Variants in KIAA1586 observed in about 807,000 individuals in gnomAD.
The protein encoded by KIAA1586 is KIAA1586.
A neutral mutation model predicts 6.1 loss-of-function variants in KIAA1586; 5 were observed. The observed-to-expected ratio is 0.82, with a 90% CI of 0.43 to 1.73. KIAA1586 has a LOEUF of 1.73. Among genes scored for constraint, KIAA1586 ranks in the 40% most tolerant of loss-of-function variants. The pLI, the probability that KIAA1586 is intolerant of heterozygous loss-of-function variation, is 0.02. For missense variants in KIAA1586, 899 were observed against 878.2 expected (o/e 1.02, Z -0.30); for synonymous variants, 280 against 301.7 (o/e 0.93, Z 0.75).
At chr6:57,062,931 G>A in the KIAA1586 span, among the ~76,000 whole-genome samples, 1 of 151,976 alleles carries the variant, frequency 6.6e-6, no homozygotes, top group East Asian at 1.9e-4. Context: ...TGTGCCTGTA[G>A]TCCCATCCAT....
At chr6:57,051,088 C>T (rs748975656) in intron 3 of KIAA1586, among the ~76,000 whole-genome samples, 5 of 151,270 alleles carry the variant, frequency 3.3e-5, no homozygotes, top group Admixed American at 1.3e-4. Context: ...AAAAATTAGC[C>T]GGGCTTGGTG....
At chr6:57,051,973 C>A (rs1193119888) in intron 3 of KIAA1586, among the ~76,000 whole-genome samples, 1 of 149,774 alleles carries the variant, frequency 6.7e-6, no homozygotes, top group Non-Finnish European at 1.5e-5. Flanking sequence ...GACTCCGTCT[C>A]AAAAAAAAAA....
the KIAA1586 span, among the ~76,000 whole-genome samples, chr6:57,065,675 C>T: frequency 2.0e-5 from 3 of 151,934 alleles, no homozygotes; most frequent in Non-Finnish European, 2.9e-5. Context: ...TTGCTAGAGA[C>T]GGAGTCTCAC....
In KIAA1586 at chr6:57,055,193, T is replaced by C. The variant is rs556724717; in HGVS notation, c.*330T>C. ...TAAGTTCTAAGCCCTGGAGGTTATA[T>C]TAAATAAAAGAGAAATGGAATAAAA... On this transcript the variant is annotated 3_prime_UTR_variant, in exon 4 of 4. Coordinates refer to ENST00000370733, the MANE Select transcript of KIAA1586 (RefSeq NM_020931.4). 2 of 162,720 alleles carry C rather than the reference T, an allele frequency of 1.2e-5. No individual in the cohort carries two copies. The highest frequency in any genetic ancestry group is 3.4e-4 in the East Asian group (2 of 5,896). 10.1% of individuals were successfully genotyped at this position (162,720 alleles called of 1,614,324 possible).
In KIAA1586 at chr6:57,053,310, G is replaced by C; in HGVS notation, c.811G>C (p.Glu271Gln). ...RPLSDIEGAR[E>Q]LQEKNGEVNC... ...TTTATCTGATATTGAGGGGGCAAGAGAATTACAGGAAAAAAATGGAGAGGT... is the reference window on the plus strand; with the variant it reads ...TTTATCTGATATTGAGGGGGCAAGACAATTACAGGAAAAAAATGGAGAGGT... Residue 271 changes from glutamate (E) to glutamine (Q), a missense_variant, in exon 4 of 4, where the codon GAA (glutamate) becomes CAA (glutamine). By Grantham distance (29) the Glu-to-Gln change is conservative. Coordinates refer to ENST00000370733, the MANE Select transcript of KIAA1586 (RefSeq NM_020931.4). 1 of 1,612,554 alleles carries C rather than the reference G, an allele frequency of 6.2e-7. No homozygotes were observed.
chr6:57,049,141 G>T (rs1436429162), intron 2 of KIAA1586, among the ~76,000 whole-genome samples: 1 of 152,208 alleles, frequency 6.6e-6, no homozygotes, highest in African/African-American at 2.4e-5. Flanking sequence ...CATGCTGTCA[G>T]TGTAATTGCA....
intron 2 of KIAA1586, among the ~76,000 whole-genome samples, chr6:57,048,786 C>G (rs947883334): frequency 1.3e-5 from 2 of 152,020 alleles, no homozygotes; most frequent in African/African-American, 4.8e-5. Flanking sequence ...ATCCATGTGC[C>G]ATTGAGAAAG....
chr6:57,052,627 T>C, intron 3 of KIAA1586, 59 bp from the exon 4 acceptor site: 3 of 1,346,950 alleles, frequency 2.2e-6, no homozygotes, highest in Non-Finnish European at 3.0e-6. Flanking sequence ...AAGAGAACTT[T>C]TTACATTGAC....
At chr6:57,056,920 G>T (rs1328788018), downstream of KIAA1586, among the ~76,000 whole-genome samples, 1 of 151,112 alleles carries the variant, frequency 6.6e-6, no homozygotes, top group East Asian at 2.0e-4. Flanking sequence ...GCCTAAATAA[G>T]ATGTTTTATT....
At chr6:57,050,287 G>T in intron 2 of KIAA1586, among the ~76,000 whole-genome samples, 1 of 145,224 alleles carries the variant, frequency 6.9e-6, no homozygotes. Flanking sequence ...ACAGTATTAC[G>T]TATTCATGTA....
intron 2 of KIAA1586, among the ~76,000 whole-genome samples, chr6:57,050,098 C>T (rs1828280974): frequency 6.6e-6 from 1 of 151,786 alleles, no homozygotes; most frequent in South Asian, 2.1e-4. Flanking sequence ...CCTGCCTCAG[C>T]CTCCTGAGCA....
At chr6:57,052,651 T>A (rs750393262) in intron 3 of KIAA1586, 35 bp from the exon 4 acceptor site, 2 of 1,480,560 alleles carry the variant, frequency 1.4e-6, no homozygotes, top group Non-Finnish European at 1.8e-6. Context: ...TAAAGTGTTA[T>A]GAATTTTACT....
In KIAA1586 at chr6:57,050,826, A is replaced by T. The variant is rs538790424; in HGVS notation, c.158A>T (p.Asp53Val). 2 of 1,613,314 alleles carry T rather than the reference A, an allele frequency of 1.2e-6. No homozygotes were observed. The highest frequency in any genetic ancestry group is 1.7e-6 in the Non-Finnish European group (2 of 1,179,446). ...LEYIDLVCGD[D>V]ENPSAYYSDI... Reference sequence around the variant, plus strand: ...TACATCGATCTGGTCTGTGGTGATGATGAAAACCCTAGCGCCTATTATAGT... The same window carrying T: ...TACATCGATCTGGTCTGTGGTGATGTTGAAAACCCTAGCGCCTATTATAGT... The change falls in exon 3 of 4, where the codon GAT becomes GTT. Residue 53 changes from aspartate to valine, a missense_variant. Asp to Val is a radical substitution (Grantham distance 152, BLOSUM62 -3). Transcript: ENST00000370733.
rs1562570890 is a variant in KIAA1586 at position 57,053,380 on chromosome 6, A to G, written c.881A>G (p.His294Arg). 4 of 1,609,860 alleles carry G rather than the reference A, an allele frequency of 2.5e-6. No individual in the cohort carries two copies. The highest frequency in any genetic ancestry group is 3.4e-6 in the Non-Finnish European group (4 of 1,178,312). The change falls in exon 4 of 4, where the codon CAT becomes CGT. Residue 294 changes from histidine (H) to arginine (R), a missense_variant. By Grantham distance (29) the His-to-Arg change is conservative. Coordinates refer to ENST00000370733, the MANE Select transcript of KIAA1586 (RefSeq NM_020931.4). Reference protein sequence around the residue: ...TRYSATRIAEHIAKEMKMKIF... With the variant: ...TRYSATRIAERIAKEMKMKIF... ...TACAGTGCAACAAGAATAGCAGAAC[A>G]TATTGCAAAAGAAATGAAGATGAAG...
In KIAA1586 at chr6:57,046,713, G is replaced by A. The variant is rs752883293; in HGVS notation, c.-43G>A. The A allele has an allele frequency of 6.2e-7, 1 of 1,611,102 alleles. No homozygotes were observed. The highest frequency in any genetic ancestry group is 1.1e-5 in the South Asian group (1 of 90,588). ...GGAGTGGTGGCGGCTGCGGCAGTAGGGACAGCAGGAGCAGTGGTGCTGTCA... is the reference window on the plus strand; with the variant it reads ...GGAGTGGTGGCGGCTGCGGCAGTAGAGACAGCAGGAGCAGTGGTGCTGTCA... On this transcript the variant is annotated 5_prime_UTR_variant, in exon 1 of 4. Coordinates refer to ENST00000370733, the MANE Select transcript of KIAA1586 (RefSeq NM_020931.4).
At chr6:57,060,615 CT>C in the KIAA1586 span, among the ~76,000 whole-genome samples, 6 of 152,086 alleles carry the variant, frequency 3.9e-5, no homozygotes, top group African/African-American at 1.2e-4. Flanking sequence ...CCGTCTGTTG[CT>C]GAGGTCAAGG....
chr6:57,053,642 A>T lies in KIAA1586; in HGVS notation c.1143A>T (p.Lys381Asn), dbSNP rs569443222. 21 of 1,611,950 alleles carry T rather than the reference A, an allele frequency of 1.3e-5. No individual in the cohort carries two copies. In the South Asian group the frequency reaches 2.2e-4, roughly 17 times the overall value. ...NDCGFTNEYLKANLIAFCSDG... is the reference protein window; with the variant it reads ...NDCGFTNEYLNANLIAFCSDG... ...GTGGTTTTACAAATGAATATTTGAA[A>T]GCAAATTTAATTGCATTTTGTTCTG... Residue 381 changes from lysine (K) to asparagine (N), a missense_variant, in exon 4 of 4, where the codon AAA becomes AAT. Lys to Asn is a moderately conservative substitution (Grantham distance 94). Transcript: ENST00000370733.
chr6:57,064,572 T>C, the KIAA1586 span, among the ~76,000 whole-genome samples: 3 of 152,344 alleles, frequency 2.0e-5, no homozygotes, highest in East Asian at 5.8e-4. Context: ...ACAAAATCTT[T>C]GTATTGATGC....
At chr6:57,051,960 C>A (rs190277885) in intron 3 of KIAA1586, among the ~76,000 whole-genome samples, 100 of 151,970 alleles carry the variant, frequency 6.6e-4, no homozygotes, top group Non-Finnish European at 8.5e-4. Flanking sequence ...GGTGACAGAG[C>A]GAGACTCCGT....
Sources: gnomAD v4.1 joint callset for allele counts (sites outside exome capture counted in the v4.1 genomes callset) on GRCh38, gnomAD v4.1.1 for gene constraint, MANE v1.5 for transcripts, NCBI Gene and HGNC (gene_info 2026-07-23, HGNC 2026-07-21) for gene names.